The following FHIT variants were observed in gnomAD, a reference collection of about 807,000 sequenced individuals.
FHIT encodes the protein bis(5'-adenosyl)-triphosphatase.
FHIT carries 19 observed loss-of-function variants against 17.9 expected under a neutral mutation model. The observed-to-expected ratio is 1.06, with a 90% CI of 0.74 to 1.56. The LOEUF (loss-of-function observed/expected upper bound fraction) is 1.56, where lower values mean the gene tolerates loss of function less well. Among genes scored for constraint, FHIT ranks in the 40% most tolerant of loss-of-function variants. The probability of loss-of-function intolerance (pLI) is 0.00; values close to 1 mark genes in which losing one functional copy is unlikely to be tolerated. For synonymous variants in FHIT, 81 were observed against 69.7 expected, an observed-to-expected ratio of 1.16 and a Z score of -0.81; for missense variants, 248 against 189.2, an observed-to-expected ratio of 1.31 and a Z score of -1.82.
chr3:60,859,226 C>A (rs1349787497), intron 3 of FHIT, among the ~76,000 whole-genome samples: 2 of 152,178 alleles, frequency 1.3e-5, no homozygotes, highest in South Asian at 2.1e-4. Context: ...GTGTTCATCT[C>A]TGGGCTCCTC....
At chr3:60,952,179 CAAA>C (rs67284263) in intron 3 of FHIT, among the ~76,000 whole-genome samples, 4 of 103,286 alleles carry the variant, frequency 3.9e-5, no homozygotes, top group African/African-American at 1.0e-4. Context: ...ACCCCCCCCC[CAAA>C]AAAAAAAAAG....
At chr3:60,689,463 G>C (rs1227050855) in intron 4 of FHIT, among the ~76,000 whole-genome samples, 1 of 152,084 alleles carries the variant, frequency 6.6e-6, no homozygotes, top group Non-Finnish European at 1.5e-5. Flanking sequence ...GTAGTCTGTA[G>C]GTTACATGCA....
intron 5 of FHIT, among the ~76,000 whole-genome samples, chr3:60,051,667 T>G (rs1292276255): frequency 6.6e-6 from 1 of 152,122 alleles, no homozygotes; most frequent in African/African-American, 2.4e-5. Flanking sequence ...GATTCTATAT[T>G]TTGCACCCAC....
chr3:60,153,803 CCCAGGCCCTT>C (rs1700569606), intron 5 of FHIT, among the ~76,000 whole-genome samples: 1 of 152,120 alleles, frequency 6.6e-6, no homozygotes, highest in Admixed American at 6.5e-5. Flanking sequence ...AACCCCCTTC[CCCAGGCCCTT>C]CCAGCCCTGG....
At chr3:60,488,523 G>A (rs920416178) in intron 5 of FHIT, among the ~76,000 whole-genome samples, 1 of 152,166 alleles carries the variant, frequency 6.6e-6, no homozygotes, top group Admixed American at 6.5e-5. Flanking sequence ...GCGGGGTCTT[G>A]AGGATCTAGA....
chr3:60,325,804 C>A (rs1294666993), intron 5 of FHIT, among the ~76,000 whole-genome samples: 1 of 152,090 alleles, frequency 6.6e-6, no homozygotes, highest in Non-Finnish European at 1.5e-5. Flanking sequence ...GTGGAGAGGA[C>A]CAGGAAGGAG....
intron 5 of FHIT, among the ~76,000 whole-genome samples, chr3:60,058,777 A>C (rs1489313513): frequency 6.6e-6 from 1 of 152,206 alleles, no homozygotes; most frequent in East Asian, 1.9e-4. Context: ...TTCAGGGCCA[A>C]AAAAGATAAA....
intron 5 of FHIT, among the ~76,000 whole-genome samples, chr3:60,085,905 T>C (rs1471159839): frequency 1.3e-5 from 2 of 152,162 alleles, no homozygotes; most frequent in Non-Finnish European, 2.9e-5. Flanking sequence ...TCCTGTGAGA[T>C]TTTGCAATTA....
intron 5 of FHIT, among the ~76,000 whole-genome samples, chr3:60,180,877 C>G (rs1266531653): frequency 6.6e-6 from 1 of 152,076 alleles, no homozygotes; most frequent in African/African-American, 2.4e-5. Context: ...TTAACTTGTA[C>G]AGTACTCACA....
intron 8 of FHIT, among the ~76,000 whole-genome samples, chr3:59,753,605 G>A (rs1701039520): frequency 6.6e-6 from 1 of 152,174 alleles, no homozygotes; most frequent in African/African-American, 2.4e-5. Context: ...AGTATTTTGT[G>A]TTATGTGTTA....
At chr3:61,070,119 C>T (rs749787961) in intron 2 of FHIT, among the ~76,000 whole-genome samples, 4 of 152,104 alleles carry the variant, frequency 2.6e-5, no homozygotes, top group Non-Finnish European at 4.4e-5. Context: ...GTCTCAAACT[C>T]CTGACCTCAA....
At chr3:60,570,497 G>A (rs142797194) in intron 4 of FHIT, among the ~76,000 whole-genome samples, 166 of 152,182 alleles carry the variant, frequency 1.1e-3, no homozygotes, top group Middle Eastern at 3.4e-3. Flanking sequence ...CACATTTCAA[G>A]ACATTACCAA....
At chr3:59,958,029 C>A (rs918762210) in intron 7 of FHIT, among the ~76,000 whole-genome samples, 2 of 152,160 alleles carry the variant, frequency 1.3e-5, no homozygotes, top group African/African-American at 4.8e-5. Context: ...TGTATTTTTC[C>A]ACTGAAGGTG....
intron 5 of FHIT, among the ~76,000 whole-genome samples, chr3:60,026,020 G>GC (rs1238486668): frequency 2.8e-5 from 4 of 145,138 alleles, no homozygotes; most frequent in African/African-American, 1.1e-4. Flanking sequence ...GGCCTGTAAA[G>GC]GGGGGGAAAG....
At chr3:59,761,821 C>T (rs1341635800) in intron 8 of FHIT, among the ~76,000 whole-genome samples, 1 of 152,118 alleles carries the variant, frequency 6.6e-6, no homozygotes, top group African/African-American at 2.4e-5. Context: ...TGGTCTCGAA[C>T]TCCTGACCTC....
chr3:60,268,025 GA>G (rs1198961422), intron 5 of FHIT, among the ~76,000 whole-genome samples: 1 of 152,108 alleles, frequency 6.6e-6, no homozygotes, highest in Non-Finnish European at 1.5e-5. Context: ...GTATCTTACT[GA>G]AAATGTCACT....
chr3:60,291,311 C>G (rs1376821098), intron 5 of FHIT, among the ~76,000 whole-genome samples: 9 of 152,066 alleles, frequency 5.9e-5, no homozygotes, highest in Non-Finnish European at 1.3e-4. Flanking sequence ...TTGTATAGGG[C>G]ATGAAAAACC....
chr3:60,527,871 TGA>T (rs905636324), intron 5 of FHIT, among the ~76,000 whole-genome samples: 114 of 152,302 alleles, frequency 7.5e-4, no homozygotes, highest in African/African-American at 2.6e-3. Context: ...AACAATGGAA[TGA>T]GAATCAAAAG....
intron 3 of FHIT, among the ~76,000 whole-genome samples, chr3:60,944,746 T>A (rs1708567454): frequency 1.3e-5 from 2 of 152,184 alleles, no homozygotes; most frequent in African/African-American, 4.8e-5. Flanking sequence ...TTTCCCAATT[T>A]TTCAAATAGA....
Sources: allele counts gnomAD v4.1 joint callset (sites outside exome capture counted in the v4.1 genomes callset), GRCh38; gene constraint gnomAD v4.1.1; transcripts MANE v1.5; gene names NCBI Gene and HGNC (gene_info 2026-07-23, HGNC 2026-07-21).